Variants in ASTN2 observed in about 807,000 individuals in gnomAD.
ASTN2 encodes astrotactin-2.
ASTN2 carries 54 observed loss-of-function variants against 139.8 expected under a neutral mutation model. The observed-to-expected ratio is 0.39, with a 90% CI of 0.31 to 0.48. The LOEUF is 0.48. Among genes scored for constraint, ASTN2 ranks in the 20% least tolerant of loss-of-function variants. ASTN2 has a pLI of 0.95. For synonymous variants in ASTN2, 756 were observed against 719.5 expected (o/e 1.05, Z -0.81); for missense variants, 1,565 against 1,725.1 (o/e 0.91, Z 1.64).
At chr9:117,314,849 A>G (rs1050432359) in intron 1 of ASTN2, among the ~76,000 whole-genome samples, 6 of 146,002 alleles carry the variant, frequency 4.1e-5, no homozygotes, top group African/African-American at 1.5e-4. Context: ...TAATCATATA[A>G]GTATACGTAA....
intron 13 of ASTN2, among the ~76,000 whole-genome samples, chr9:116,746,157 G>C (rs1409737441): frequency 6.8e-6 from 1 of 147,744 alleles, no homozygotes. Flanking sequence ...CGCCATCTCA[G>C]CTCACTGCAA....
chr9:116,814,309 C>T (rs1052586346), intron 12 of ASTN2, among the ~76,000 whole-genome samples: 6 of 152,098 alleles, frequency 3.9e-5, no homozygotes, highest in Non-Finnish European at 7.4e-5. Context: ...TTCACCAACA[C>T]CCTCAGGATT....
rs150937501 is a variant in ASTN2 at position 117,150,357 on chromosome 9, G to A, written c.1016-8879C>T. Among the ~76,000 whole-genome samples the A allele has an allele frequency of 8.6e-3, 1,304 of 152,202 alleles. 22 individuals are homozygous for A. The highest frequency in any genetic ancestry group is 0.03 in the African/African-American group (1,238 of 41,526). On this transcript the variant is annotated intron_variant, in intron 3 of 22. Coordinates refer to ENST00000313400, the MANE Select transcript of ASTN2 (RefSeq NM_001365068.1). ...TTATCCTTACAAACTGAACTTCCAC[G>A]TTACAGAGACCAGAAAGGTAATGGA...
intron 2 of ASTN2, among the ~76,000 whole-genome samples, chr9:117,243,960 T>C (rs1435572378): frequency 1.3e-5 from 2 of 152,206 alleles, no homozygotes; most frequent in East Asian, 3.9e-4. Context: ...TCCCCACATG[T>C]CTAGGGAGAG....
At chr9:116,867,934 G>A (rs955776482) in intron 10 of ASTN2, among the ~76,000 whole-genome samples, 2 of 152,168 alleles carry the variant, frequency 1.3e-5, no homozygotes, top group Non-Finnish European at 2.9e-5. Context: ...TAACTCGGGG[G>A]CTCAATCCTT....
intron 1 of ASTN2, among the ~76,000 whole-genome samples, chr9:117,413,174 G>A (rs1319869501): frequency 1.3e-5 from 2 of 152,250 alleles, no homozygotes; most frequent in African/African-American, 4.8e-5. Flanking sequence ...TAGCATGAAA[G>A]GATGGGGAGT....
chr9:116,903,076 T>C (rs551529389), intron 10 of ASTN2, among the ~76,000 whole-genome samples: 2 of 152,268 alleles, frequency 1.3e-5, no homozygotes, highest in South Asian at 4.2e-4. Flanking sequence ...CAGACATCCA[T>C]ATGCTGCATT....
chr9:116,478,109 GA>G (rs1171584093), intron 20 of ASTN2, among the ~76,000 whole-genome samples: 2 of 147,544 alleles, frequency 1.4e-5, no homozygotes, highest in Non-Finnish European at 3.0e-5. Flanking sequence ...GAAAGAGAGG[GA>G]GGGGGTAGGG....
At chr9:116,513,704 T>G (rs1850511130) in intron 19 of ASTN2, among the ~76,000 whole-genome samples, 1 of 152,226 alleles carries the variant, frequency 6.6e-6, no homozygotes, top group Non-Finnish European at 1.5e-5. Context: ...TGTTTCTTTT[T>G]ATTCTTTTTT....
chr9:116,992,000 C>A (rs150148202), intron 7 of ASTN2, among the ~76,000 whole-genome samples: 93 of 152,244 alleles, frequency 6.1e-4, no homozygotes, highest in East Asian at 2.1e-3. Flanking sequence ...TATGAATGAG[C>A]GTACCTGAGC....
chr9:116,893,251 C>A (rs1165113212), intron 10 of ASTN2, among the ~76,000 whole-genome samples: 1 of 151,930 alleles, frequency 6.6e-6, no homozygotes, highest in Non-Finnish European at 1.5e-5. Flanking sequence ...AATCTTACTC[C>A]AAGGACATTT....
chr9:117,104,276 T>G (rs1041695435), intron 4 of ASTN2, among the ~76,000 whole-genome samples: 1 of 152,186 alleles, frequency 6.6e-6, no homozygotes, highest in African/African-American at 2.4e-5. Flanking sequence ...TACAGAAGAC[T>G]GATGAAAAAA....
At chr9:117,098,889 C>G (rs1828903034) in intron 4 of ASTN2, among the ~76,000 whole-genome samples, 1 of 152,012 alleles carries the variant, frequency 6.6e-6, no homozygotes, top group South Asian at 2.1e-4. Context: ...GGGCAGATTG[C>G]CTGAGTTCAG....
intron 13 of ASTN2, among the ~76,000 whole-genome samples, chr9:116,767,564 T>C (rs1425616113): frequency 6.6e-6 from 1 of 152,150 alleles, no homozygotes; most frequent in East Asian, 1.9e-4. Context: ...TAATAAAGCG[T>C]GTGGCTGTGA....
chr9:116,832,644 TA>T (rs1419569318), intron 11 of ASTN2, among the ~76,000 whole-genome samples: 1 of 152,146 alleles, frequency 6.6e-6, no homozygotes, highest in Non-Finnish European at 1.5e-5. Context: ...TTCTGCCTGT[TA>T]TTATAATATA....
chr9:116,749,454 C>T lies in ASTN2; in HGVS notation c.2397-15931G>A, dbSNP rs113355844. On this transcript the variant is annotated intron_variant, in intron 13 of 22. Transcript: ENST00000313400. ...TTACGTCATGGGAATCCTTCCCGCC[C>T]GCCACTGGTAAATTTGATTCTTTCC... 1.3e-3 allele frequency among the ~76,000 whole-genome samples: 202 copies of T among 152,264 alleles called. 1 individual carries two copies. Among genetic ancestry groups the T allele is most frequent in the African/African-American group, 4.2e-3 (175 of 41,546 alleles).
intron 3 of ASTN2, among the ~76,000 whole-genome samples, chr9:117,167,474 G>C (rs1159370802): frequency 6.6e-6 from 1 of 151,934 alleles, no homozygotes; most frequent in Non-Finnish European, 1.5e-5. Context: ...TAAACACAAT[G>C]CCACACTAAG....
chr9:116,870,636 C>A (rs1353902897), intron 10 of ASTN2, among the ~76,000 whole-genome samples: 1 of 152,074 alleles, frequency 6.6e-6, no homozygotes, highest in Admixed American at 6.6e-5. Context: ...ATAGCCAGAC[C>A]CCACCAGACT....
chr9:117,301,437 A>G (rs1228077038), intron 1 of ASTN2, among the ~76,000 whole-genome samples: 1 of 152,196 alleles, frequency 6.6e-6, no homozygotes, highest in East Asian at 1.9e-4. Context: ...TGTCGCATTT[A>G]GCCCTCATAG....
Sources: allele counts gnomAD v4.1 joint callset (sites outside exome capture counted in the v4.1 genomes callset), GRCh38; gene constraint gnomAD v4.1.1; transcripts MANE v1.5; gene names NCBI Gene and HGNC (gene_info 2026-07-23, HGNC 2026-07-21).